The following DHRS7B variants were observed in gnomAD, a reference collection of about 807,000 sequenced individuals.
DHRS7B encodes the protein peroxisomal reductase activating PPAR-gamma.
Under a neutral mutation model 26.4 loss-of-function variants are expected in DHRS7B, and 24 were observed. That is an observed-to-expected ratio of 0.91 (90% CI 0.66 to 1.28). DHRS7B has a LOEUF of 1.28. Among genes scored for constraint, DHRS7B ranks in the 50% most tolerant of loss-of-function variants. The pLI is 0.00. For synonymous variants in DHRS7B, 142 were observed against 166.4 expected (o/e 0.85, Z 1.13); for missense variants, 368 against 419.4 (o/e 0.88, Z 1.07).
At position 21,159,250 on chromosome 17, in the gene DHRS7B, C is replaced by CTTT. The variant is rs749833688; in HGVS notation, c.21-12756_21-12754dup. Among the ~76,000 whole-genome samples the CTTT allele has an allele frequency of 6.3e-5, 9 of 143,944 alleles. No individual in the cohort carries two copies. The South Asian group carries it at 1.1e-3, about 18-fold the overall frequency. 94.4% of individuals were successfully genotyped at this position (143,944 alleles called of 152,430 possible). On this transcript the variant is annotated intron_variant, in intron 1 of 6. Coordinates refer to ENST00000395511, the MANE Select transcript of DHRS7B (RefSeq NM_015510.5). ...GAAAATATTTTCTTTTTCTTTCTTT[C>CTTT]TTTTTTTTTTTTTTAAAGACGGAGT... is the stretch of plus-strand genomic sequence containing the variant.
Position 21,183,671 on chromosome 17 carries a change from C to T in DHRS7B, c.387C>T (p.Ile129=), listed in dbSNP as rs1442489729. Residue 129 remains isoleucine, a synonymous_variant, in exon 4 of 7, where the codon ATC becomes ATT. Coordinates refer to ENST00000395511, the MANE Select transcript of DHRS7B (RefSeq NM_015510.5). ...SGAIVAAAAE[I]LQCFGYVDIL... ...CCATAGTTGCAGCAGCAGCTGAGATCCTGCAGTGCTTTGGCTATGTCGACA... is the reference window on the plus strand; with the variant it reads ...CCATAGTTGCAGCAGCAGCTGAGATTCTGCAGTGCTTTGGCTATGTCGACA... 6.2e-7 allele frequency: 1 copy of T among 1,614,046 alleles called. No homozygotes were observed. The highest frequency in any genetic ancestry group is 1.3e-5 in the African/African-American group (1 of 74,910).
intron 1 of DHRS7B, among the ~76,000 whole-genome samples, chr17:21,145,689 T>C (rs1273109265): frequency 6.6e-6 from 1 of 152,218 alleles, no homozygotes; most frequent in African/African-American, 2.4e-5. Flanking sequence ...ATACACCCAT[T>C]CTATTTTTCA....
rs35189205 is a variant in DHRS7B at position 21,164,030 on chromosome 17, C to CTTT, written c.21-7974_21-7972dup. Among the ~76,000 whole-genome samples the CTTT allele has an allele frequency of 4.6e-4, 45 of 96,952 alleles. 3 individuals are homozygous for CTTT. Among genetic ancestry groups the CTTT allele is most frequent in the African/African-American group, 1.3e-3 (26 of 19,766 alleles). 63.6% of individuals were successfully genotyped at this position (96,952 alleles called of 152,430 possible). ...AGTGCAGATATTGTCAATTGTTGTG[C>CTTT]TTTTTTTTTTTTTTTTGAGACAGGG... is the stretch of plus-strand genomic sequence containing the variant. On this transcript the variant is annotated intron_variant, in intron 1 of 6. Coordinates refer to ENST00000395511, the MANE Select transcript of DHRS7B (RefSeq NM_015510.5).
At chr17:21,157,533 C>T (rs181032890) in intron 1 of DHRS7B, among the ~76,000 whole-genome samples, 1 of 152,056 alleles carries the variant, frequency 6.6e-6, no homozygotes, top group South Asian at 2.1e-4. Context: ...CTCATCTCTA[C>T]AAATAATAAA....
chr17:21,159,249 T>C (rs890416062), intron 1 of DHRS7B, among the ~76,000 whole-genome samples: 1 of 125,312 alleles, frequency 8.0e-6, no homozygotes, highest in African/African-American at 3.3e-5. Context: ...TTTCTTTCTT[T>C]CTTTTTTTTT....
intron 1 of DHRS7B, among the ~76,000 whole-genome samples, chr17:21,146,824 G>A (rs1208500323): frequency 6.6e-6 from 1 of 152,236 alleles, no homozygotes; most frequent in Admixed American, 6.5e-5. Flanking sequence ...CCCAGGCCAA[G>A]GGTACTGGTT....
At chr17:21,190,888 C>T (rs973196094) in intron 6 of DHRS7B, 60 bp from the exon 7 acceptor site, 1 of 1,578,548 alleles carries the variant, frequency 6.3e-7, no homozygotes, top group African/African-American at 1.4e-5. Flanking sequence ...ATCAGCTCCA[C>T]TCCTCAAGAG....
intron 1 of DHRS7B, among the ~76,000 whole-genome samples, chr17:21,163,793 A>G (rs575841274): frequency 9.2e-5 from 14 of 152,064 alleles, no homozygotes; most frequent in Admixed American, 2.0e-4. Flanking sequence ...GTCTCAAGTG[A>G]TCCTCCCACT....
At position 21,188,814 on chromosome 17, in the gene DHRS7B, C is replaced by A. The variant is rs749759123; in HGVS notation, c.723C>A (p.His241Gln). The stretch of plus-strand genomic sequence containing the variant: ...CCGTCATCAGCCCCGGCTACATCCA[C>A]ACCAACCTCTCTGTAAATGCCATCA... ...EVTVISPGYIHTNLSVNAITA... is the reference protein window; with the variant it reads ...EVTVISPGYIQTNLSVNAITA... Residue 241 changes from histidine to glutamine, a missense_variant, in exon 6 of 7, where the codon CAC becomes CAA. Coordinates refer to ENST00000395511, the MANE Select transcript of DHRS7B (RefSeq NM_015510.5). 6 of 1,614,108 alleles carry A rather than the reference C, an allele frequency of 3.7e-6. No individual in the cohort carries two copies. The highest frequency in any genetic ancestry group is 5.1e-6 in the Non-Finnish European group (6 of 1,180,048).
Position 21,164,030 on chromosome 17 carries a change from C to CTTTTT in DHRS7B, c.21-7976_21-7972dup, listed in dbSNP as rs35189205. On this transcript the variant is annotated intron_variant, in intron 1 of 6. Transcript: ENST00000395511. ...AGTGCAGATATTGTCAATTGTTGTGCTTTTTTTTTTTTTTTTGAGACAGGG... is the reference window on the plus strand; with the variant it reads ...AGTGCAGATATTGTCAATTGTTGTGCTTTTTTTTTTTTTTTTTTTTTGAGACAGGG... Among the ~76,000 whole-genome samples the CTTTTT allele has an allele frequency of 1.8e-3, 179 of 96,954 alleles. 20 individuals carry two copies. The highest frequency in any genetic ancestry group is 8.4e-3 in the African/African-American group (166 of 19,764). 63.6% of individuals were successfully genotyped at this position (96,954 alleles called of 152,430 possible).
chr17:21,178,129 C>G, intron 2 of DHRS7B, 104 bp from the exon 3 acceptor site: 1 of 1,121,222 alleles, frequency 8.9e-7, no homozygotes, highest in Non-Finnish European at 1.3e-6. Flanking sequence ...GGGGCCAACA[C>G]AGACCTGTGA....
intron 6 of DHRS7B, 83 bp downstream of exon 6, chr17:21,188,946 T>C: frequency 6.4e-7 from 1 of 1,566,224 alleles, no homozygotes; most frequent in South Asian, 1.1e-5. Context: ...CAGTGATTCT[T>C]TGGTCATTTT....
At position 21,183,617 on chromosome 17, in the gene DHRS7B, G is replaced by A. The variant is rs1233919961; in HGVS notation, c.333G>A (p.Leu111=). The A allele has an allele frequency of 5.6e-6, 9 of 1,613,240 alleles. No homozygotes were observed. The South Asian group carries it at 9.9e-5, about 18-fold the overall frequency. The change falls in exon 4 of 7, where the codon TTG becomes TTA. Residue 111 remains leucine, a synonymous_variant. Transcript: ENST00000395511. Reference sequence around the variant, plus strand: ...AGGTGCAGACACACAAGCCTTACTTGGTGACCTTCGACCTCACAGACTCTG... The same window carrying A: ...AGGTGCAGACACACAAGCCTTACTTAGTGACCTTCGACCTCACAGACTCTG... ...ATKVQTHKPY[L]VTFDLTDSGA... is the part of the protein sequence containing the mutation.
At chr17:21,171,862 C>T in intron 1 of DHRS7B, 156 bp from the exon 2 acceptor site, 1 of 893,638 alleles carries the variant, frequency 1.1e-6, no homozygotes, top group South Asian at 1.4e-5. Context: ...GAACAGTCGG[C>T]CGAGGGTGCA....
intron 1 of DHRS7B, among the ~76,000 whole-genome samples, chr17:21,146,553 T>C (rs553749634): frequency 6.6e-6 from 1 of 152,338 alleles, no homozygotes; most frequent in South Asian, 2.1e-4. Context: ...CTTAGTATGA[T>C]GTTGGTATTT....
intron 1 of DHRS7B, among the ~76,000 whole-genome samples, chr17:21,143,873 T>C (rs1270224502): frequency 2.6e-5 from 4 of 152,240 alleles, no homozygotes; most frequent in Non-Finnish European, 5.9e-5. Context: ...AAGTGTTTGC[T>C]CTTTTTCACA....
intron 1 of DHRS7B, among the ~76,000 whole-genome samples, chr17:21,163,484 G>A (rs1489477760): frequency 6.6e-6 from 1 of 152,126 alleles, no homozygotes; most frequent in African/African-American, 2.4e-5. Flanking sequence ...TAGTAATGAG[G>A]TCTCTTCTGT....
At chr17:21,172,635 G>T (rs1013640797) in intron 2 of DHRS7B, among the ~76,000 whole-genome samples, 1 of 152,200 alleles carries the variant, frequency 6.6e-6, no homozygotes, top group South Asian at 2.1e-4. Flanking sequence ...GGGGCCTCTG[G>T]TTCACAGCTT....
At chr17:21,136,956 T>C (rs1040301637) in intron 1 of DHRS7B, among the ~76,000 whole-genome samples, 1 of 151,732 alleles carries the variant, frequency 6.6e-6, no homozygotes, top group Admixed American at 6.6e-5. Flanking sequence ...GCTTTTAAAA[T>C]TTTTTTTATT....
Sources: gnomAD v4.1 joint callset for allele counts (sites outside exome capture counted in the v4.1 genomes callset) on GRCh38, gnomAD v4.1.1 for gene constraint, MANE v1.5 for transcripts, NCBI Gene and HGNC (gene_info 2026-07-23, HGNC 2026-07-21) for gene names.